MRPL43: variants seen among roughly 807,000 people sequenced by gnomAD.
MRPL43 encodes the protein large ribosomal subunit protein mL43.
In MRPL43, 9 loss-of-function variants were observed where a neutral mutation model predicts 12.7. The ratio of observed to expected loss-of-function variants is 0.71; its 90% CI spans 0.43 to 1.24. The LOEUF is 1.24. Among genes scored for constraint, MRPL43 ranks in the 50% most tolerant of loss-of-function variants. The pLI is 0.00. For missense variants in MRPL43, 211 were observed against 229.2 expected, an observed-to-expected ratio of 0.92 and a Z score of 0.51; for synonymous variants, 116 against 96.4, an observed-to-expected ratio of 1.20 and a Z score of -1.19.
At chr10:100,981,578 A>G (rs1243253158), downstream of MRPL43, 2 of 1,611,690 alleles carry the variant, frequency 1.2e-6, no homozygotes, top group East Asian at 2.2e-5. Flanking sequence ...ATCACAGCTA[A>G]GATGTATTAA....
Position 100,987,348 on chromosome 10 carries a change from G to T in MRPL43, c.96C>A (p.Ser32Arg). ...YVQQLQRLSFSVSRDGASSRG... is the reference protein window; with the variant it reads ...YVQQLQRLSFRVSRDGASSRG... The stretch of plus-strand genomic sequence containing the variant: ...GAGACGAGGCGCCGTCGCGGCTGAC[G>T]CTGAAGCTCAGACGCTGCAGCTGCT... The change falls in exon 1 of 3, where the codon AGC (serine) becomes AGA (arginine). Residue 32 changes from serine to arginine, a missense_variant. Transcript: ENST00000318364. The T allele has an allele frequency of 6.2e-7, 1 of 1,612,566 alleles. No homozygotes were observed. The highest frequency in any genetic ancestry group is 8.5e-7 in the Non-Finnish European group (1 of 1,179,878).
chr10:100,981,223 G>A, downstream of MRPL43: 1 of 1,614,186 alleles, frequency 6.2e-7, no homozygotes, highest in South Asian at 1.1e-5. Context: ...GAGCAGCAGG[G>A]ATACAGGTAA....
At chr10:100,978,377 G>A, downstream of MRPL43, 1 of 1,613,212 alleles carries the variant, frequency 6.2e-7, no homozygotes, top group Non-Finnish European at 8.5e-7. Context: ...GGCTTCACAG[G>A]CCTCATCATT....
rs764642962 is a variant in MRPL43, at chr10:100,986,728, A to C, written c.*6T>G. 2 of 1,613,928 alleles carry C rather than the reference A, an allele frequency of 1.2e-6. No individual in the cohort carries two copies. Among genetic ancestry groups the C allele is most frequent in the East Asian group, 4.5e-5 (2 of 44,864 alleles). On this transcript the variant is annotated 3_prime_UTR_variant, in exon 3 of 3. Transcript: ENST00000318364. ...AGCCTGGGGCTGCAGTTGGTGGGGCAACTCTTCACTGTGCTTGCACCTGGG... is the reference window on the plus strand; with the variant it reads ...AGCCTGGGGCTGCAGTTGGTGGGGCCACTCTTCACTGTGCTTGCACCTGGG...
downstream of MRPL43, chr10:100,981,229 G>A: frequency 1.2e-6 from 2 of 1,614,150 alleles, no homozygotes; most frequent in Non-Finnish European, 1.7e-6. Flanking sequence ...CAGGGATACA[G>A]GTAAGTGACT....
At chr10:100,980,572 T>C (rs768137850), downstream of MRPL43, 1 of 1,610,980 alleles carries the variant, frequency 6.2e-7, no homozygotes, top group Non-Finnish European at 8.5e-7. Flanking sequence ...GCTCTTTCCA[T>C]ACCAGCTGAT....
At chr10:100,983,607 C>G, downstream of MRPL43, 5 of 1,614,134 alleles carry the variant, frequency 3.1e-6, no homozygotes, top group East Asian at 8.9e-5. Context: ...CCCTGCCACA[C>G]CTGGGGCACA....
rs1001463681 is a variant in MRPL43, at chr10:100,986,729, A to G, written c.*5T>C. 3.1e-6 allele frequency: 5 copies of G among 1,613,276 alleles called. No homozygotes were observed. Among genetic ancestry groups the G allele is most frequent in the African/African-American group, 2.7e-5 (2 of 74,688 alleles). On this transcript the variant is annotated 3_prime_UTR_variant, in exon 3 of 3. Coordinates refer to ENST00000318364, the MANE Select transcript of MRPL43 (RefSeq NM_032112.3). ...GCCTGGGGCTGCAGTTGGTGGGGCA[A>G]CTCTTCACTGTGCTTGCACCTGGGC...
In MRPL43 at chr10:100,987,357, C is replaced by G. The variant is rs747639816; in HGVS notation, c.87G>C (p.Leu29=). ...LGRYVQQLQR[L]SFSVSRDGAS... is the part of the protein sequence containing the mutation. ...CGCCGTCGCGGCTGACGCTGAAGCTCAGACGCTGCAGCTGCTGCACATAGC... is the reference window on the plus strand; with the variant it reads ...CGCCGTCGCGGCTGACGCTGAAGCTGAGACGCTGCAGCTGCTGCACATAGC... The change falls in exon 1 of 3, where the codon CTG becomes CTC. Residue 29 remains leucine, a synonymous_variant. Transcript: ENST00000318364. The G allele has an allele frequency of 1.4e-5, 22 of 1,612,448 alleles. No individual in the cohort carries two copies. The highest frequency in any genetic ancestry group is 1.8e-5 in the Non-Finnish European group (21 of 1,179,896).
chr10:100,983,865 G>T, downstream of MRPL43: 1 of 1,573,988 alleles, frequency 6.4e-7, no homozygotes, highest in East Asian at 2.3e-5. Context: ...GGGCCTGGAG[G>T]GCAGCTGTCT....
Position 100,986,856 on chromosome 10 carries a change from G to A in MRPL43, c.358C>T (p.His120Tyr). The change falls in exon 3 of 3, where the codon CAC becomes TAC. Residue 120 changes from histidine (H) to tyrosine (Y), a missense_variant. His to Tyr is a moderately conservative substitution (Grantham distance 83). Coordinates refer to ENST00000318364, the MANE Select transcript of MRPL43 (RefSeq NM_032112.3). ...CCCTGGATGCTAGGGTTGTCGGTGTGGAAGGGCTTGCGGATGCGGATCACG... is the reference window on the plus strand; with the variant it reads ...CCCTGGATGCTAGGGTTGTCGGTGTAGAAGGGCTTGCGGATGCGGATCACG... ...LDVIRIRKPFHTDNPSIQGQW... is the reference protein window; with the variant it reads ...LDVIRIRKPFYTDNPSIQGQW... 1 of 1,613,770 alleles carries A rather than the reference G, an allele frequency of 6.2e-7. No individual in the cohort carries two copies.
At chr10:100,983,378 C>G (rs183718929), downstream of MRPL43, 10 of 1,609,080 alleles carry the variant, frequency 6.2e-6, no homozygotes, top group Admixed American at 8.4e-5. Flanking sequence ...ACCAGCCATC[C>G]AACCTGGCCC....
chr10:100,985,678 G>A (rs1255104778), downstream of MRPL43: 1 of 152,554 alleles, frequency 6.6e-6, no homozygotes, highest in African/African-American at 2.4e-5. Flanking sequence ...ACAGGCTCCT[G>A]AGCCTATACA....
chr10:100,980,661 T>C (rs761134082), downstream of MRPL43: 3 of 1,614,078 alleles, frequency 1.9e-6, no homozygotes, highest in South Asian at 3.3e-5. Flanking sequence ...GGAGTCCCAG[T>C]CTGTGGAAAA....
At chr10:100,979,348 T>TCC, downstream of MRPL43, 1 of 1,612,510 alleles carries the variant, frequency 6.2e-7, no homozygotes, top group South Asian at 1.1e-5. Context: ...GAGGATGAGA[T>TCC]AGGATCCACT....
chr10:100,981,498 G>A (rs372641934), downstream of MRPL43: 67 of 1,614,012 alleles, frequency 4.2e-5, no homozygotes, highest in Middle Eastern at 1.6e-4. Context: ...GGTTCAGGAC[G>A]GTAATGGGTA....
downstream of MRPL43, chr10:100,984,334 CA>C: frequency 6.9e-7 from 1 of 1,442,290 alleles, no homozygotes; most frequent in Non-Finnish European, 9.1e-7. Flanking sequence ...GTGAGCAGCC[CA>C]GGCCCATCGG....
chr10:100,984,472 CCTTT>C (rs1564801033), downstream of MRPL43: 1 of 1,529,644 alleles, frequency 6.5e-7, no homozygotes, highest in East Asian at 2.5e-5. Flanking sequence ...CTGCCCAAAC[CCTTT>C]CTCTTTCTCC....
downstream of MRPL43, chr10:100,979,954 C>T (rs1261099304): frequency 1.5e-5 from 24 of 1,613,946 alleles, no homozygotes; most frequent in Non-Finnish European, 1.8e-5. Flanking sequence ...GCGCTGGGGT[C>T]GCTATGAGGG....
Sources: gnomAD v4.1 joint callset for allele counts on GRCh38, gnomAD v4.1.1 for gene constraint, MANE v1.5 for transcripts, NCBI Gene and HGNC (gene_info 2026-07-23, HGNC 2026-07-21) for gene names.